Variants in NPAS3 observed in about 807,000 individuals in gnomAD.
NPAS3 encodes neuronal PAS domain protein 3, also known as neuronal PAS domain-containing protein 3.
Under a neutral mutation model 73.1 loss-of-function variants are expected in NPAS3, and 14 were observed. The observed-to-expected ratio is 0.19, with a 90% CI of 0.13 to 0.30. The LOEUF (loss-of-function observed/expected upper bound fraction) is 0.30, where lower values mean the gene tolerates loss of function less well. Among genes scored for constraint, NPAS3 ranks in the 10% least tolerant of loss-of-function variants. The pLI is 1.00. For missense variants in NPAS3, 1,096 were observed against 1,250.0 expected, an observed-to-expected ratio of 0.88 and a Z score of 1.86; for synonymous variants, 620 against 541.5, an observed-to-expected ratio of 1.14 and a Z score of -2.01.
At chr14:33,650,676 C>T (rs906244959) in intron 5 of NPAS3, among the ~76,000 whole-genome samples, 6 of 152,196 alleles carry the variant, frequency 3.9e-5, no homozygotes. Context: ...TCCCCTCACA[C>T]AGCTCCTGCT....
At chr14:33,333,066 C>A (rs1369609028) in intron 3 of NPAS3, among the ~76,000 whole-genome samples, 1 of 152,204 alleles carries the variant, frequency 6.6e-6, no homozygotes, top group Non-Finnish European at 1.5e-5. Flanking sequence ...ATAGTCAGAG[C>A]ATCTGCAGTC....
At chr14:33,130,650 A>T (rs2043602231) in intron 2 of NPAS3, among the ~76,000 whole-genome samples, 1 of 151,996 alleles carries the variant, frequency 6.6e-6, no homozygotes, top group African/African-American at 2.4e-5. Flanking sequence ...TGAATGGGGG[A>T]AATGCAATTA....
At chr14:33,695,311 A>G (rs1197947400) in intron 6 of NPAS3, among the ~76,000 whole-genome samples, 1 of 152,228 alleles carries the variant, frequency 6.6e-6, no homozygotes, top group Non-Finnish European at 1.5e-5. Context: ...ACACATGTCC[A>G]CTGCTTAATT....
At chr14:33,719,008 G>A (rs1282399947) in intron 6 of NPAS3, among the ~76,000 whole-genome samples, 1 of 152,088 alleles carries the variant, frequency 6.6e-6, no homozygotes, top group African/African-American at 2.4e-5. Context: ...TGCATCTGTA[G>A]TCCAAGCTAC....
intron 3 of NPAS3, among the ~76,000 whole-genome samples, chr14:33,278,119 G>T (rs1371662470): frequency 1.3e-5 from 2 of 152,128 alleles, no homozygotes; most frequent in Non-Finnish European, 2.9e-5. Flanking sequence ...GAAAGACAAG[G>T]CTGTTTCCAA....
chr14:33,658,845 G>T (rs192346913), intron 5 of NPAS3, among the ~76,000 whole-genome samples: 1 of 152,192 alleles, frequency 6.6e-6, no homozygotes, highest in African/African-American at 2.4e-5. Flanking sequence ...AAGTTGAAGT[G>T]GTTTTGAGTT....
intron 5 of NPAS3, among the ~76,000 whole-genome samples, chr14:33,639,493 T>G (rs1364072042): frequency 1.3e-5 from 2 of 152,216 alleles, no homozygotes; most frequent in East Asian, 3.8e-4. Flanking sequence ...ATATGGCTCC[T>G]AGGATGGAGT....
chr14:33,095,440 A>G (rs767100903), intron 2 of NPAS3, among the ~76,000 whole-genome samples: 1 of 152,156 alleles, frequency 6.6e-6, no homozygotes, highest in Non-Finnish European at 1.5e-5. Flanking sequence ...GCTAATCCTA[A>G]TAAGCTGCCT....
At chr14:32,943,764 C>G (rs1338402933) in intron 1 of NPAS3, among the ~76,000 whole-genome samples, 2 of 148,054 alleles carry the variant, frequency 1.4e-5, no homozygotes, top group Admixed American at 6.9e-5. Flanking sequence ...GGCACAATCT[C>G]AGCTCACTGC....
intron 4 of NPAS3, among the ~76,000 whole-genome samples, chr14:33,473,628 C>T (rs995915664): frequency 6.6e-6 from 1 of 152,108 alleles, no homozygotes; most frequent in Non-Finnish European, 1.5e-5. Context: ...CATACATCGA[C>T]AGTTTTAGAA....
At chr14:33,147,464 A>G (rs536247728) in intron 2 of NPAS3, among the ~76,000 whole-genome samples, 3 of 152,168 alleles carry the variant, frequency 2.0e-5, no homozygotes, top group African/African-American at 7.2e-5. Flanking sequence ...AACCACAAAT[A>G]GCCAATATGC....
intron 6 of NPAS3, among the ~76,000 whole-genome samples, chr14:33,719,946 GT>G (rs2061060234): frequency 6.6e-6 from 1 of 151,996 alleles, no homozygotes; most frequent in Non-Finnish European, 1.5e-5. Flanking sequence ...GAATTTGGGA[GT>G]TTTATAATAA....
intron 4 of NPAS3, among the ~76,000 whole-genome samples, chr14:33,441,222 A>G (rs112342748): frequency 0.01 from 1,547 of 152,346 alleles, 33 homozygotes; most frequent in African/African-American, 0.035. Context: ...TATAATATGC[A>G]GATGTATTCT....
At chr14:33,225,405 AG>A (rs2047592173) in intron 3 of NPAS3, among the ~76,000 whole-genome samples, 1 of 152,212 alleles carries the variant, frequency 6.6e-6, no homozygotes, top group Non-Finnish European at 1.5e-5. Context: ...AGTGCCTAAA[AG>A]GCAAGGTTAG....
chr14:33,543,471 T>G (rs1014049943), intron 4 of NPAS3, among the ~76,000 whole-genome samples: 1 of 152,160 alleles, frequency 6.6e-6, no homozygotes, highest in African/African-American at 2.4e-5. Context: ...CAAATACAAC[T>G]GATTTTTCTG....
chr14:33,111,465 C>T (rs1486484363), intron 2 of NPAS3, among the ~76,000 whole-genome samples: 1 of 152,144 alleles, frequency 6.6e-6, no homozygotes, highest in Non-Finnish European at 1.5e-5. Context: ...AAATTTGCTA[C>T]AGTAATTCAC....
At chr14:33,472,388 C>G (rs933567685) in intron 4 of NPAS3, among the ~76,000 whole-genome samples, 1 of 152,040 alleles carries the variant, frequency 6.6e-6, no homozygotes, top group African/African-American at 2.4e-5. Flanking sequence ...TTGGGGAAAC[C>G]ATGTGGGATG....
intron 6 of NPAS3, among the ~76,000 whole-genome samples, chr14:33,701,910 T>C (rs1269399755): frequency 6.6e-6 from 1 of 152,216 alleles, no homozygotes; most frequent in African/African-American, 2.4e-5. Context: ...TAAGAAATGG[T>C]ATCTGCCCTC....
intron 3 of NPAS3, among the ~76,000 whole-genome samples, chr14:33,244,394 G>A (rs547594367): frequency 6.6e-6 from 1 of 152,148 alleles, no homozygotes; most frequent in Non-Finnish European, 1.5e-5. Context: ...TCTGAAAGCA[G>A]TTGGGCATTT....
Sources: allele counts gnomAD v4.1 joint callset (sites outside exome capture counted in the v4.1 genomes callset), GRCh38; gene constraint gnomAD v4.1.1; transcripts MANE v1.5; gene names NCBI Gene and HGNC (gene_info 2026-07-23, HGNC 2026-07-21).